PPM1E: variants seen among roughly 807,000 people sequenced by gnomAD.
PPM1E encodes protein phosphatase 1E.
Under a neutral mutation model 65.9 loss-of-function variants are expected in PPM1E, and 20 were observed. That is an observed-to-expected ratio of 0.30 (90% CI 0.21 to 0.44). The LOEUF is 0.44. Ranked by LOEUF, PPM1E falls within the 20% of genes least tolerant of loss-of-function variation. The pLI, the probability that PPM1E is intolerant of heterozygous loss-of-function variation, is 1.00. For missense variants in PPM1E, 713 were observed against 953.1 expected, an observed-to-expected ratio of 0.75 and a Z score of 3.32; for synonymous variants, 352 against 374.9, an observed-to-expected ratio of 0.94 and a Z score of 0.70.
intron 1 of PPM1E, among the ~76,000 whole-genome samples, chr17:58,774,554 A>G (rs2049974398): frequency 6.6e-6 from 1 of 152,178 alleles, no homozygotes; most frequent in South Asian, 2.1e-4. Context: ...TTATATTGCT[A>G]GATGCAAAGA....
intron 1 of PPM1E, among the ~76,000 whole-genome samples, chr17:58,930,831 T>C (rs1480917282): frequency 6.6e-6 from 1 of 151,982 alleles, no homozygotes; most frequent in African/African-American, 2.4e-5. Flanking sequence ...ATGTAGAACA[T>C]GGATAAAGTA....
chr17:58,778,416 T>C (rs1163055546), intron 1 of PPM1E, among the ~76,000 whole-genome samples: 3 of 148,952 alleles, frequency 2.0e-5, no homozygotes, highest in Non-Finnish European at 3.0e-5. Flanking sequence ...TTTTTTTTTT[T>C]TTTTTTTTTG....
At chr17:58,940,053 A>C (rs752069012) in intron 1 of PPM1E, among the ~76,000 whole-genome samples, 43 of 152,172 alleles carry the variant, frequency 2.8e-4, no homozygotes, top group Non-Finnish European at 5.1e-4. Flanking sequence ...TAGTACTCCA[A>C]ACTGCTATGA....
At chr17:58,940,205 A>G (rs2143598887) in intron 1 of PPM1E, among the ~76,000 whole-genome samples, 1 of 152,342 alleles carries the variant, frequency 6.6e-6, no homozygotes, top group Admixed American at 6.5e-5. Context: ...AGTCACTCCT[A>G]GTGATTCTCT....
At position 58,980,877 on chromosome 17, in the gene PPM1E, CCTCA is replaced by C. The variant is rs766865943; in HGVS notation, c.2117_2120del (p.Ser706LeufsTer10). On this transcript the variant is annotated frameshift_variant, in exon 7 of 7. Coordinates refer to ENST00000308249, the MANE Select transcript of PPM1E (RefSeq NM_014906.5). LOFTEE classifies it high-confidence loss of function. This position sits in a 1 kb window ranked among gnomAD's most constrained non-coding sequence, Gnocchi z 4.7. Reference sequence around the variant, plus strand: ...TCCCACAAAATAGGCACTAGCCTGTCCTCACTTACTGGAAGTGGGAAGAGAAATA... The same window carrying C: ...TCCCACAAAATAGGCACTAGCCTGTCCTTACTGGAAGTGGGAAGAGAAATA... 6.2e-7 allele frequency: 1 copy of C among 1,614,210 alleles called. No individual in the cohort carries two copies.
At chr17:58,894,311 A>T (rs1232742678) in intron 1 of PPM1E, among the ~76,000 whole-genome samples, 10 of 152,116 alleles carry the variant, frequency 6.6e-5, no homozygotes, top group East Asian at 1.9e-4. Context: ...TCTATTTTTT[A>T]AAAAATTGAT....
intron 1 of PPM1E, among the ~76,000 whole-genome samples, chr17:58,761,993 G>A (rs1598554214): frequency 6.6e-6 from 1 of 152,124 alleles, no homozygotes; most frequent in African/African-American, 2.4e-5. Context: ...TCTGTATGAC[G>A]ACTGATTTCA....
chr17:58,786,506 T>TA (rs2050102504), intron 1 of PPM1E, among the ~76,000 whole-genome samples: 1 of 152,212 alleles, frequency 6.6e-6, no homozygotes, highest in Non-Finnish European at 1.5e-5. Context: ...GCTGGTAGCA[T>TA]GCACAGCATA....
At position 58,781,330 on chromosome 17, in the gene PPM1E, G is replaced by C. The variant is rs144857696; in HGVS notation, c.464+24869G>C. Among the ~76,000 whole-genome samples the C allele has an allele frequency of 2.0e-5, 3 of 151,562 alleles. 1 individual carries two copies. In the South Asian group the frequency reaches 6.2e-4, roughly 32 times the overall value. On this transcript the variant is annotated intron_variant, in intron 1 of 6. Coordinates refer to ENST00000308249, the MANE Select transcript of PPM1E (RefSeq NM_014906.5). ...TAATTTTTGTATTTCTAGTAGAGAC[G>C]GGGTTTTGCCACATTGGCCAAGCTG...
intron 1 of PPM1E, among the ~76,000 whole-genome samples, chr17:58,782,405 GT>G (rs5821246): frequency 1.3e-3 from 187 of 138,658 alleles, no homozygotes; most frequent in African/African-American, 3.2e-3. Context: ...TCAGGTTTTT[GT>G]TTTTTTTTTT....
intron 1 of PPM1E, among the ~76,000 whole-genome samples, chr17:58,784,580 A>G (rs1265669561): frequency 6.8e-6 from 1 of 147,512 alleles, no homozygotes; most frequent in East Asian, 2.0e-4. Context: ...GCTGGAGTGC[A>G]GTGGCACCAT....
At chr17:58,814,059 A>G (rs2050393641) in intron 1 of PPM1E, among the ~76,000 whole-genome samples, 1 of 152,236 alleles carries the variant, frequency 6.6e-6, no homozygotes, top group Admixed American at 6.5e-5. Flanking sequence ...AGTAAATAAT[A>G]GAAAATAGAA....
intron 1 of PPM1E, among the ~76,000 whole-genome samples, chr17:58,817,192 A>G (rs546350943): frequency 6.6e-6 from 1 of 152,182 alleles, no homozygotes; most frequent in East Asian, 1.9e-4. Context: ...GGACATTTTC[A>G]CCTTTTTGAC....
intron 1 of PPM1E, among the ~76,000 whole-genome samples, chr17:58,767,894 G>A (rs1168791353): frequency 1.3e-5 from 2 of 151,624 alleles, no homozygotes; most frequent in Non-Finnish European, 2.9e-5. Flanking sequence ...CGCCCACCTC[G>A]GCCTCCCAAA....
chr17:58,839,020 A>T, intron 1 of PPM1E, among the ~76,000 whole-genome samples: 1 of 151,390 alleles, frequency 6.6e-6, no homozygotes, highest in East Asian at 1.9e-4. Context: ...TGTGGACAGT[A>T]GTGAGGGAGG....
chr17:58,787,370 A>C (rs1460201749), intron 1 of PPM1E, among the ~76,000 whole-genome samples: 1 of 152,108 alleles, frequency 6.6e-6, no homozygotes, highest in Non-Finnish European at 1.5e-5. Context: ...TTATTGGCCC[A>C]AATTTTTCTT....
chr17:58,943,366 C>T (rs902237923), intron 1 of PPM1E, among the ~76,000 whole-genome samples: 3 of 152,008 alleles, frequency 2.0e-5, no homozygotes, highest in African/African-American at 4.8e-5. Flanking sequence ...TCGAATAAAC[C>T]GCCAATCTTG....
At chr17:58,823,372 G>C (rs747123257) in intron 1 of PPM1E, among the ~76,000 whole-genome samples, 18 of 152,192 alleles carry the variant, frequency 1.2e-4, no homozygotes, top group African/African-American at 3.9e-4. Flanking sequence ...CTAGGCACAG[G>C]AATGGTTTCT....
chr17:58,978,672 C>A (rs1309353101), intron 6 of PPM1E, among the ~76,000 whole-genome samples: 1 of 152,124 alleles, frequency 6.6e-6, no homozygotes, highest in African/African-American at 2.4e-5. Context: ...GATTGTGCCA[C>A]TGCACTCCAG....
Sources: allele counts gnomAD v4.1 joint callset (sites outside exome capture counted in the v4.1 genomes callset), GRCh38; gene constraint gnomAD v4.1.1; non-coding constraint Gnocchi (gnomAD v3.1); transcripts MANE v1.5; gene names NCBI Gene and HGNC (gene_info 2026-07-23, HGNC 2026-07-21).